SRPK2: variants seen among roughly 807,000 people sequenced by gnomAD.
SRPK2 encodes SFRS protein kinase 2.
A neutral mutation model predicts 90.8 loss-of-function variants in SRPK2; 21 were observed. The ratio of observed to expected loss-of-function variants is 0.23; its 90% CI spans 0.16 to 0.33. The LOEUF is 0.33. Among genes scored for constraint, SRPK2 ranks in the 10% least tolerant of loss-of-function variants. The pLI, the probability that SRPK2 is intolerant of heterozygous loss-of-function variation, is 1.00. For synonymous variants in SRPK2, 288 were observed against 311.1 expected (o/e 0.93, Z 0.78); for missense variants, 620 against 869.0 (o/e 0.71, Z 3.60).
At chr7:105,248,445 A>AAAG (rs1204127574) in intron 2 of SRPK2, among the ~76,000 whole-genome samples, 2 of 150,872 alleles carry the variant, frequency 1.3e-5, no homozygotes, top group Non-Finnish European at 3.0e-5. Context: ...TTAAAAAAAA[A>AAAG]AAAAAAAAAA....
At chr7:105,331,732 G>A (rs911626223) in intron 2 of SRPK2, among the ~76,000 whole-genome samples, 5 of 152,090 alleles carry the variant, frequency 3.3e-5, no homozygotes, top group African/African-American at 1.2e-4. Context: ...AAAAGTGTAC[G>A]GAAAGTTGCA....
At chr7:105,154,031 A>G (rs575144436) in intron 7 of SRPK2, among the ~76,000 whole-genome samples, 1 of 152,206 alleles carries the variant, frequency 6.6e-6, no homozygotes, top group Non-Finnish European at 1.5e-5. Flanking sequence ...CCTGTTAACA[A>G]TAAAAGAGGA....
intron 11 of SRPK2, among the ~76,000 whole-genome samples, chr7:105,137,443 A>C (rs932783390): frequency 1.3e-5 from 2 of 151,822 alleles, no homozygotes; most frequent in Non-Finnish European, 2.9e-5. Flanking sequence ...ACAGAGACAG[A>C]CTGGGGAGCA....
chr7:105,289,272 T>A (rs1249162995), intron 2 of SRPK2, among the ~76,000 whole-genome samples: 1 of 151,196 alleles, frequency 6.6e-6, no homozygotes, highest in Non-Finnish European at 1.5e-5. Flanking sequence ...AGACTCTGTC[T>A]CAAAAAAAAT....
intron 13 of SRPK2, among the ~76,000 whole-genome samples, chr7:105,130,443 C>T (rs960943077): frequency 1.7e-4 from 26 of 151,946 alleles, no homozygotes; most frequent in African/African-American, 6.0e-4. Flanking sequence ...CCAGCTACAC[C>T]AGAGGCTGAG....
chr7:105,298,874 T>C lies in SRPK2; in HGVS notation c.71+89774A>G, dbSNP rs888072764. On this transcript the variant is annotated intron_variant, in intron 2 of 15. Transcript: ENST00000393651. Reference sequence around the variant, plus strand: ...GACAGCAGTCTTTCCAGGGAGACAATGTAGGCCAACGCCTCATACTCTGTT... The same window carrying C: ...GACAGCAGTCTTTCCAGGGAGACAACGTAGGCCAACGCCTCATACTCTGTT... The C allele has an allele frequency of 7.3e-6, 6 of 823,066 alleles. No homozygotes were observed. The African/African-American group carries it at 1.1e-4, about 15-fold the overall frequency. 51.0% of individuals were successfully genotyped at this position (823,066 alleles called of 1,614,324 possible).
Position 105,162,584 on chromosome 7 carries a change from GA to G in SRPK2, c.515-1972del, listed in dbSNP as rs1276528704. Among the ~76,000 whole-genome samples, 13 of 151,998 alleles carry G rather than the reference GA, an allele frequency of 8.6e-5. 1 individual carries two copies. The South Asian group carries it at 2.5e-3, about 29-fold the overall frequency. ...CAATATTATTTTAAATATTTTTAGT[GA>G]AAAAAAGAAAAATCTTTCTATACTG... On this transcript the variant is annotated intron_variant, in intron 6 of 15. Coordinates refer to ENST00000393651, the MANE Select transcript of SRPK2 (RefSeq NM_182692.3).
intron 6 of SRPK2, 90 bp downstream of exon 6, chr7:105,167,287 G>C (rs1790200044): frequency 9.8e-7 from 1 of 1,019,310 alleles, no homozygotes; most frequent in Non-Finnish European, 1.5e-6. Flanking sequence ...TGTTGAAGGT[G>C]ATACAGCAGT....
chr7:105,180,147 G>A (rs1792576532), intron 3 of SRPK2, among the ~76,000 whole-genome samples: 1 of 152,082 alleles, frequency 6.6e-6, no homozygotes, highest in Non-Finnish European at 1.5e-5. Context: ...AACAAAGCAG[G>A]AAGAATCACG....
intron 2 of SRPK2, among the ~76,000 whole-genome samples, chr7:105,319,261 C>A (rs981372893): frequency 6.6e-6 from 1 of 152,004 alleles, no homozygotes; most frequent in Non-Finnish European, 1.5e-5. Context: ...TTCAATATGG[C>A]CTGAGTTATA....
At chr7:105,291,757 A>C (rs1241588744) in intron 2 of SRPK2, among the ~76,000 whole-genome samples, 1 of 152,158 alleles carries the variant, frequency 6.6e-6, no homozygotes, top group Non-Finnish European at 1.5e-5. Flanking sequence ...AATAAATAAA[A>C]TAAAGGCAGA....
At chr7:105,348,957 C>T (rs1346336903) in intron 2 of SRPK2, among the ~76,000 whole-genome samples, 1 of 150,660 alleles carries the variant, frequency 6.6e-6, no homozygotes, top group East Asian at 2.0e-4. Flanking sequence ...ACCAGCCTGG[C>T]CAACATGGTG....
chr7:105,388,859 G>T lies in SRPK2; in HGVS notation c.-53C>A. Reference sequence around the variant, plus strand: ...GCTTCGCGACGGCGACGCGGGCGCCGAGACGAGCTGGGCTGCAGCCTCCAC... The same window carrying T: ...GCTTCGCGACGGCGACGCGGGCGCCTAGACGAGCTGGGCTGCAGCCTCCAC... On this transcript the variant is annotated 5_prime_UTR_variant, in exon 1 of 16. Coordinates refer to ENST00000393651, the MANE Select transcript of SRPK2 (RefSeq NM_182692.3). 7.6e-7 allele frequency: 1 copy of T among 1,311,752 alleles called. No homozygotes were observed. Among genetic ancestry groups the T allele is most frequent in the South Asian group, 2.1e-5 (1 of 47,082 alleles). 81.3% of individuals were successfully genotyped at this position (1,311,752 alleles called of 1,614,324 possible). A position where few individuals can be genotyped will look rare whatever the true frequency, so the allele number is the denominator to read the frequency against.
At position 105,126,112 on chromosome 7, in the gene SRPK2, CT is replaced by C. The variant is rs1186694823; in HGVS notation, c.1915+135del. On this transcript the variant is annotated intron_variant, in intron 15 of 15. Transcript: ENST00000393651. ...AATGTGGTCTTCCCTGACAATTTTTCTATCAGCATAGGAATTCTGCTGGGTT... is the reference window on the plus strand; with the variant it reads ...AATGTGGTCTTCCCTGACAATTTTTCATCAGCATAGGAATTCTGCTGGGTT... 10 of 777,838 alleles carry C rather than the reference CT, an allele frequency of 1.3e-5. No individual in the cohort carries two copies. The South Asian group carries it at 1.7e-4, about 13-fold the overall frequency. 48.2% of individuals were successfully genotyped at this position (777,838 alleles called of 1,614,324 possible).
At chr7:105,388,575 T>C in intron 2 of SRPK2, 73 bp downstream of exon 2, 3 of 1,399,314 alleles carry the variant, frequency 2.1e-6, no homozygotes, top group South Asian at 1.3e-5. Flanking sequence ...CCGGACAACT[T>C]TCCCCTGCGC....
At chr7:105,245,034 A>AACAAACACAC (rs1554476879) in intron 2 of SRPK2, 2 of 524,146 alleles carry the variant, frequency 3.8e-6, no homozygotes, top group South Asian at 4.0e-5. Context: ...AAACAAAACA[A>AACAAACACAC]ACACACACAC....
intron 2 of SRPK2, among the ~76,000 whole-genome samples, chr7:105,239,167 C>T (rs1354345180): frequency 6.6e-6 from 1 of 152,186 alleles, no homozygotes; most frequent in African/African-American, 2.4e-5. Context: ...TAGTCCCATT[C>T]ATCAGAAGAG....
At chr7:105,167,166 G>C (rs183495374) in intron 6 of SRPK2, among the ~76,000 whole-genome samples, 1 of 152,220 alleles carries the variant, frequency 6.6e-6, no homozygotes, top group East Asian at 1.9e-4. Flanking sequence ...TCAAGTTGTT[G>C]TGTTAAAAAT....
intron 2 of SRPK2, among the ~76,000 whole-genome samples, chr7:105,299,355 T>C (rs369143243): frequency 1.3e-5 from 2 of 152,248 alleles, no homozygotes; most frequent in Non-Finnish European, 2.9e-5. Flanking sequence ...GTAAAGGATC[T>C]ACCTTAAGGC....
Sources: allele counts gnomAD v4.1 joint callset (sites outside exome capture counted in the v4.1 genomes callset), GRCh38; gene constraint gnomAD v4.1.1; transcripts MANE v1.5; gene names NCBI Gene and HGNC (gene_info 2026-07-23, HGNC 2026-07-21).